The following EPHA4 variants were observed in gnomAD, a reference collection of about 807,000 sequenced individuals.
EPHA4 encodes the protein ephrin type-A receptor 4.
Under a neutral mutation model 108.3 loss-of-function variants are expected in EPHA4, and 19 were observed. That is an observed-to-expected ratio of 0.18 (90% CI 0.12 to 0.26). The LOEUF is 0.26. Among genes scored for constraint, EPHA4 ranks in the 10% least tolerant of loss-of-function variants. EPHA4 has a pLI of 1.00. For missense variants in EPHA4, 917 were observed against 1,254.0 expected, an observed-to-expected ratio of 0.73 and a Z score of 4.06; for synonymous variants, 449 against 455.5, an observed-to-expected ratio of 0.99 and a Z score of 0.18.
rs1359378972 is a variant in EPHA4, at chr2:221,571,702, A to C, written c.91+456T>G. Among the ~76,000 whole-genome samples the C allele has an allele frequency of 4.6e-5, 7 of 152,162 alleles. No homozygotes were observed. Among genetic ancestry groups the C allele is most frequent in the African/African-American group, 1.7e-4 (7 of 41,452 alleles). On this transcript the variant is annotated intron_variant, in intron 1 of 17. Coordinates refer to ENST00000281821, the MANE Select transcript of EPHA4 (RefSeq NM_004438.5). This position sits in a 1 kb window ranked among gnomAD's most constrained non-coding sequence, Gnocchi z 6.3. ...GGTCCCGAGAAGCGCAGGGCTCGGGAAACTTTGCAGAAACCAGAGCTCGAA... is the reference window on the plus strand; with the variant it reads ...GGTCCCGAGAAGCGCAGGGCTCGGGCAACTTTGCAGAAACCAGAGCTCGAA...
chr2:221,434,424 T>A, intron 13 of EPHA4, 133 bp from the exon 14 acceptor site: 1 of 920,734 alleles, frequency 1.1e-6, no homozygotes, highest in Non-Finnish European at 1.6e-6. Flanking sequence ...ATAAGACACT[T>A]GTTCATTTTA....
At chr2:221,468,222 G>C (rs1367235) in intron 5 of EPHA4, among the ~76,000 whole-genome samples, 26,842 of 150,448 alleles carry the variant, frequency 0.18, 2,584 homozygotes, top group East Asian at 0.27. Context: ...ACTTCCTAGG[G>C]AAGATCAGAG....
At chr2:221,565,277 G>A (rs1694595690) in intron 2 of EPHA4, among the ~76,000 whole-genome samples, 1 of 152,126 alleles carries the variant, frequency 6.6e-6, no homozygotes, top group Non-Finnish European at 1.5e-5. Context: ...AGAATCTAAT[G>A]GTAGGACAAC....
chr2:221,430,772 G>A (rs901556472), intron 14 of EPHA4, among the ~76,000 whole-genome samples: 1 of 152,110 alleles, frequency 6.6e-6, no homozygotes. Context: ...CCTGTTAAAG[G>A]TGTTAGTAAG....
intron 3 of EPHA4, among the ~76,000 whole-genome samples, chr2:221,545,975 T>C (rs763781715): frequency 2.5e-4 from 38 of 152,218 alleles, no homozygotes; most frequent in Admixed American, 9.2e-4. Flanking sequence ...CCTTCCTTTA[T>C]ACCTCATCCC....
At position 221,456,662 on chromosome 2, in the gene EPHA4, T is replaced by A. The variant is rs1415419916; in HGVS notation, c.1554A>T (p.Ala518=). 6.2e-7 allele frequency: 1 copy of A among 1,613,992 alleles called. No individual in the cohort carries two copies. The highest frequency in any genetic ancestry group is 8.5e-7 in the Non-Finnish European group (1 of 1,179,888). Residue 518 remains alanine, a synonymous_variant, in exon 7 of 18, where the codon GCA becomes GCT. Transcript: ENST00000281821. ...GCTCACTGAAGTCTCCATAGCCAGC[T>A]GCTGTCCTGGCTCGCACGTGGAAAA... ...SYVFHVRART[A]AGYGDFSEPL...
chr2:221,568,870 T>C, intron 1 of EPHA4, 85 bp from the exon 2 acceptor site: 1 of 1,141,290 alleles, frequency 8.8e-7, no homozygotes, highest in Non-Finnish European at 1.3e-6. Context: ...CGTTTCCATA[T>C]GTGCTGAGGC....
intron 2 of EPHA4, among the ~76,000 whole-genome samples, chr2:221,567,009 G>GAAGAAGAAGAAGAAGAAGAAGAAA (rs750697580): frequency 9.8e-5 from 11 of 112,624 alleles, no homozygotes; most frequent in Admixed American, 2.5e-4. Flanking sequence ...AGAAGAAGAA[G>GAAGAAGAAGAAGAAGAAGAAGAAA]AAAAAAATGT....
intron 3 of EPHA4, among the ~76,000 whole-genome samples, chr2:221,510,548 A>C (rs1288313033): frequency 6.6e-6 from 1 of 152,360 alleles, no homozygotes; most frequent in African/African-American, 2.4e-5. Flanking sequence ...TATGCTGAAA[A>C]TGGATTTGCT....
intron 2 of EPHA4, among the ~76,000 whole-genome samples, chr2:221,567,009 G>GAAGAAGAAGAAA (rs750697580): frequency 8.9e-6 from 1 of 112,626 alleles, no homozygotes; most frequent in East Asian, 2.7e-4. Flanking sequence ...AGAAGAAGAA[G>GAAGAAGAAGAAA]AAAAAAATGT....
chr2:221,453,728 T>C (rs1012477274), intron 8 of EPHA4, among the ~76,000 whole-genome samples: 6 of 152,214 alleles, frequency 3.9e-5, no homozygotes, highest in East Asian at 1.9e-4. Context: ...TAATCAAACA[T>C]ACCTATTCAT....
chr2:221,418,312 T>C lies in EPHA4; in HGVS notation c.*3060A>G, dbSNP rs1020317477. ...ATGAACTAAATTATAATATGCCTTA[T>C]ACATTCTAATTTGAACCACAGTCCT... On this transcript the variant is annotated 3_prime_UTR_variant, in exon 18 of 18. Coordinates refer to ENST00000281821, the MANE Select transcript of EPHA4 (RefSeq NM_004438.5). 1 of 152,682 alleles carries C rather than the reference T, an allele frequency of 6.5e-6. No homozygotes were observed. Among genetic ancestry groups the C allele is most frequent in the African/African-American group, 2.4e-5 (1 of 41,468 alleles). 9.5% of individuals were successfully genotyped at this position (152,682 alleles called of 1,614,324 possible).
chr2:221,443,632 C>A, intron 9 of EPHA4, 26 bp from the exon 10 acceptor site: 1 of 1,530,836 alleles, frequency 6.5e-7, no homozygotes, highest in South Asian at 1.1e-5. Flanking sequence ...GATAAGTTGG[C>A]TGAATACTTC....
chr2:221,498,675 G>A (rs1465738099), intron 4 of EPHA4, among the ~76,000 whole-genome samples: 1 of 151,062 alleles, frequency 6.6e-6, no homozygotes, highest in African/African-American at 2.4e-5. Context: ...GTGCAGTGAT[G>A]TGAATGCAGC....
chr2:221,425,178 A>C (rs778003218), intron 17 of EPHA4, 31 bp downstream of exon 17: 7 of 152,364 alleles, frequency 4.6e-5, no homozygotes, highest in Non-Finnish European at 8.8e-5. Context: ...TTTTCACTGG[A>C]GAAAAAATCA....
rs552734335 is a variant in EPHA4, at chr2:221,563,217, A to G, written c.823+514T>C. Among the ~76,000 whole-genome samples, 7 of 152,344 alleles carry G rather than the reference A, an allele frequency of 4.6e-5. No homozygotes were observed. In the East Asian group the frequency reaches 1.4e-3, roughly 29 times the overall value. Reference sequence around the variant, plus strand: ...TGTTGGGTCATATCTCCACCGGTCCACAAGGCAGAAAGAAAAAATGGACTT... The same window carrying G: ...TGTTGGGTCATATCTCCACCGGTCCGCAAGGCAGAAAGAAAAAATGGACTT... On this transcript the variant is annotated intron_variant, in intron 3 of 17. Transcript: ENST00000281821.
intron 4 of EPHA4, among the ~76,000 whole-genome samples, chr2:221,492,449 G>A (rs1163715263): frequency 2.0e-5 from 3 of 152,046 alleles, no homozygotes; most frequent in African/African-American, 7.2e-5. Context: ...ACAACCAAAT[G>A]GCAAATGATC....
chr2:221,542,092 T>C (rs1693856367), intron 3 of EPHA4, among the ~76,000 whole-genome samples: 1 of 152,162 alleles, frequency 6.6e-6, no homozygotes, highest in Non-Finnish European at 1.5e-5. Flanking sequence ...TGTTTCTAAA[T>C]GACAATGTCT....
In EPHA4 at chr2:221,468,177, A is replaced by G. The variant is rs193155387; in HGVS notation, c.1319-10187T>C. ...AGACAGGATGGTGAACCTTCACCAA[A>G]TGGGGGTCTCCATGACCTACAATGC... On this transcript the variant is annotated intron_variant, in intron 5 of 17. Transcript: ENST00000281821. Among the ~76,000 whole-genome samples, 80 of 152,004 alleles carry G rather than the reference A, an allele frequency of 5.3e-4. 1 individual carries two copies. The highest frequency in any genetic ancestry group is 1.5e-3 in the African/African-American group (64 of 41,456).
Sources: allele counts gnomAD v4.1 joint callset (sites outside exome capture counted in the v4.1 genomes callset), GRCh38; gene constraint gnomAD v4.1.1; non-coding constraint Gnocchi (gnomAD v3.1); transcripts MANE v1.5; gene names NCBI Gene and HGNC (gene_info 2026-07-23, HGNC 2026-07-21).